The following PCDHA9 variants were observed in gnomAD, a reference collection of about 807,000 sequenced individuals.
PCDHA9 encodes the protein protocadherin alpha 9.
Under a neutral mutation model 62.0 loss-of-function variants are expected in PCDHA9, and 62 were observed. That is an observed-to-expected ratio of 1.00 (90% confidence interval 0.81 to 1.23). The LOEUF is 1.23. Among genes scored for constraint, PCDHA9 ranks in the 50% most tolerant of loss-of-function variants. The pLI, the probability that PCDHA9 is intolerant of heterozygous loss-of-function variation, is 0.00. For synonymous variants in PCDHA9, 557 were observed against 567.6 expected (o/e 0.98, Z 0.27); for missense variants, 1,205 against 1,249.8 (o/e 0.96, Z 0.54).
intron 1 of PCDHA9, chr5:140,852,581 TA>T (rs1417948618): frequency 2.2e-5 from 18 of 832,290 alleles, no homozygotes; most frequent in South Asian, 5.3e-5. Flanking sequence ...AAGGCTTTTT[TA>T]TTTTTTTTTT....
chr5:140,914,145 G>A lies in PCDHA9; in HGVS notation c.2394+63256G>A, dbSNP rs2076623510. Among the ~76,000 whole-genome samples the A allele has an allele frequency of 3.3e-5, 5 of 152,138 alleles. 1 individual carries two copies. The South Asian group carries it at 1.0e-3, about 32-fold the overall frequency. On this transcript the variant is annotated intron_variant, in intron 1 of 3. Transcript: ENST00000532602. ...TTCTTTGTTGAGTTTTTGTCTGTCAGTTCTGTCCAATACGGAAAGTGGGGT... is the reference window on the plus strand; with the variant it reads ...TTCTTTGTTGAGTTTTTGTCTGTCAATTCTGTCCAATACGGAAAGTGGGGT...
intron 1 of PCDHA9, chr5:140,856,086 T>C (rs1554148156): frequency 1.9e-6 from 3 of 1,596,442 alleles, no homozygotes; most frequent in Non-Finnish European, 2.6e-6. Flanking sequence ...GTCCAGTGTC[T>C]GCTGCTCTCG....
At chr5:140,883,485 CATT>C in intron 1 of PCDHA9, 1 of 1,614,190 alleles carries the variant, frequency 6.2e-7, no homozygotes. Flanking sequence ...AACTACTACT[CATT>C]AGTGCTGGAC....
Position 140,912,120 on chromosome 5 carries a change from G to A in PCDHA9, c.2394+61231G>A, listed in dbSNP as rs371645551. On this transcript the variant is annotated intron_variant, in intron 1 of 3. Transcript: ENST00000532602. ...AGAAAGATGTAGGCTGGGAGGCTAA[G>A]TCAGTCTAATCTCTCCATGTTCTTC... Among the ~76,000 whole-genome samples the A allele has an allele frequency of 1.7e-4, 26 of 152,328 alleles. 3 individuals are homozygous for A. In the East Asian group the frequency reaches 1.9e-3, roughly 11 times the overall value.
intron 1 of PCDHA9, among the ~76,000 whole-genome samples, chr5:140,954,347 G>A (rs145658065): frequency 0.023 from 3,565 of 152,288 alleles, 49 homozygotes; most frequent in Middle Eastern, 0.034. Flanking sequence ...CTAGATCTTT[G>A]AGGAATCGCC....
rs556197231 is a variant in PCDHA9, at chr5:140,969,709, A to C, written c.2395-9240A>C. The stretch of plus-strand genomic sequence containing the variant: ...AAATGGCCTCTGCTGTATCATCTAC[A>C]GGGAAATTTTTCTTTTGAAATCCTA... On this transcript the variant is annotated intron_variant, in intron 1 of 3. Transcript: ENST00000532602. Among the ~76,000 whole-genome samples, 11 of 152,304 alleles carry C rather than the reference A, an allele frequency of 7.2e-5. No individual in the cohort carries two copies. The East Asian group carries it at 1.5e-3, about 21-fold the overall frequency.
intron 3 of PCDHA9, among the ~76,000 whole-genome samples, chr5:141,001,711 A>G (rs1167965864): frequency 1.3e-5 from 2 of 152,222 alleles, no homozygotes; most frequent in South Asian, 2.1e-4. Context: ...GGGGGCGGGG[A>G]AGGAGCTTGA....
In PCDHA9 at chr5:140,850,864, C is replaced by T; in HGVS notation, c.2369C>T (p.Ser790Phe). 6.3e-7 allele frequency: 1 copy of T among 1,593,486 alleles called. No homozygotes were observed. The highest frequency in any genetic ancestry group is 8.6e-7 in the Non-Finnish European group (1 of 1,164,490). Residue 790 changes from serine (S) to phenylalanine (F), a missense_variant, in exon 1 of 4, where the codon TCT becomes TTT. Ser to Phe is a radical substitution (Grantham distance 155). Around this residue, in one of 3 missense-constraint regions of PCDHA9, gnomAD observed 887 missense variants for 809.5 expected, o/e 1.10. Transcript: ENST00000532602. Reference protein sequence around the residue: ...AGSTERTGEPSASSDSTGKPR... With the variant: ...AGSTERTGEPFASSDSTGKPR... The stretch of plus-strand genomic sequence containing the variant: ...TCTACAGAGCGAACGGGAGAACCCT[C>T]TGCTTCCTCAGATTCAACTGGGAAG...
intron 1 of PCDHA9, among the ~76,000 whole-genome samples, chr5:140,891,988 A>T (rs1213568167): frequency 6.6e-6 from 1 of 152,216 alleles, no homozygotes. Flanking sequence ...TAAATTACTC[A>T]GTCTGTGGCA....
chr5:140,968,095 TGGG>T (rs1554230332), intron 1 of PCDHA9: 1 of 1,613,884 alleles, frequency 6.2e-7, no homozygotes, highest in African/African-American at 1.3e-5. Flanking sequence ...CAGCCACAGA[TGGG>T]GGAATACCGC....
At chr5:140,855,106 T>C (rs1554147619) in intron 1 of PCDHA9, among the ~76,000 whole-genome samples, 1 of 149,974 alleles carries the variant, frequency 6.7e-6, no homozygotes, top group Non-Finnish European at 1.5e-5. Flanking sequence ...GTAGCAATAA[T>C]TAAGGCATTC....
chr5:140,887,523 A>G (rs2061479096), intron 1 of PCDHA9, among the ~76,000 whole-genome samples: 1 of 152,078 alleles, frequency 6.6e-6, no homozygotes, highest in Non-Finnish European at 1.5e-5. Flanking sequence ...TTTATATATG[A>G]GTCTTCCTCT....
intron 1 of PCDHA9, chr5:140,877,728 G>A: frequency 1.2e-6 from 2 of 1,614,164 alleles, no homozygotes; most frequent in Non-Finnish European, 1.7e-6. Context: ...CTTACTCGCA[G>A]CAGAGGAGGC....
At chr5:141,006,222 T>C (rs1463720721) in intron 3 of PCDHA9, among the ~76,000 whole-genome samples, 1 of 152,098 alleles carries the variant, frequency 6.6e-6, no homozygotes, top group Non-Finnish European at 1.5e-5. Flanking sequence ...TTTTAAATTT[T>C]TTATTTTTAG....
Position 140,848,534 on chromosome 5 carries a change from T to C in PCDHA9, c.39T>C (p.Pro13=), listed in dbSNP as rs2150412178. 1 of 1,595,182 alleles carries C rather than the reference T, an allele frequency of 6.3e-7. No homozygotes were observed. Among genetic ancestry groups the C allele is most frequent in the Non-Finnish European group, 8.6e-7 (1 of 1,165,278 alleles). The change falls in exon 1 of 4, where the codon CCT becomes CCC. Residue 13 remains proline, a synonymous_variant. Transcript: ENST00000532602. Reference sequence around the variant, plus strand: ...GTCGAGGAGATCCAGAGGGTCAGCCTCTACTGCTCTCGCTTCTGATCCTCG... The same window carrying C: ...GTCGAGGAGATCCAGAGGGTCAGCCCCTACTGCTCTCGCTTCTGATCCTCG... ...YSSRGDPEGQ[P]LLLSLLILAM...
intron 1 of PCDHA9, among the ~76,000 whole-genome samples, chr5:140,940,564 T>C (rs1481591678): frequency 2.0e-5 from 3 of 152,228 alleles, no homozygotes; most frequent in Non-Finnish European, 4.4e-5. Flanking sequence ...TTCTCCTACC[T>C]TGGCTCCCAA....
chr5:140,860,800 C>G (rs1270356784), intron 1 of PCDHA9: 1 of 152,198 alleles, frequency 6.6e-6, no homozygotes, highest in East Asian at 1.9e-4. Flanking sequence ...TGCAGTGGCA[C>G]GATCTCGGCT....
At chr5:140,927,602 T>G (rs2084408838) in intron 1 of PCDHA9, 1 of 1,614,104 alleles carries the variant, frequency 6.2e-7, no homozygotes, top group African/African-American at 1.3e-5. Context: ...GAGCGCTCCG[T>G]ATACCGCACC....
At chr5:141,003,750 A>T (rs868985181) in intron 3 of PCDHA9, among the ~76,000 whole-genome samples, 3 of 152,226 alleles carry the variant, frequency 2.0e-5, no homozygotes, top group African/African-American at 7.2e-5. Flanking sequence ...CATATTTTGT[A>T]TAATTATGGT....
Sources: gnomAD v4.1 joint callset for allele counts (sites outside exome capture counted in the v4.1 genomes callset) on GRCh38, gnomAD v4.1.1 for gene constraint, gnomAD v4.1.1 regional missense constraint, MANE v1.5 for transcripts, NCBI Gene and HGNC (gene_info 2026-07-23, HGNC 2026-07-21) for gene names.